GABRB2: variants seen among roughly 807,000 people sequenced by gnomAD.
GABRB2 encodes the protein gamma-aminobutyric acid type A receptor subunit beta2, also known as gamma-aminobutyric acid receptor subunit beta-2.
Under a neutral mutation model 54.7 loss-of-function variants are expected in GABRB2, and 16 were observed. The observed-to-expected ratio is 0.29, with a 90% CI of 0.20 to 0.44. The LOEUF (loss-of-function observed/expected upper bound fraction) is 0.44. Ranked by LOEUF, GABRB2 falls within the 20% of genes least tolerant of loss-of-function variation. The pLI is 1.00. For missense variants in GABRB2, 355 were observed against 644.0 expected (o/e 0.55, Z 4.86); for synonymous variants, 244 against 233.8 (o/e 1.04, Z -0.40).
At chr5:161,360,482 T>TTC (rs1000084371) in intron 5 of GABRB2, among the ~76,000 whole-genome samples, 1 of 152,000 alleles carries the variant, frequency 6.6e-6, no homozygotes, top group Non-Finnish European at 1.5e-5. Flanking sequence ...TGTTCTCTTT[T>TTC]TCTCTCTCTC....
intron 5 of GABRB2, among the ~76,000 whole-genome samples, chr5:161,346,793 C>A (rs928028599): frequency 6.6e-6 from 1 of 152,094 alleles, no homozygotes; most frequent in Admixed American, 6.6e-5. Context: ...GCACTTAGTA[C>A]ATTTAATTGA....
intron 4 of GABRB2, among the ~76,000 whole-genome samples, chr5:161,434,553 C>T (rs771390535): frequency 1.3e-5 from 2 of 152,044 alleles, no homozygotes; most frequent in Non-Finnish European, 2.9e-5. Flanking sequence ...TACTTTCATT[C>T]ATCACATATG....
chr5:161,318,496 G>T (rs895570211), intron 9 of GABRB2, among the ~76,000 whole-genome samples: 1 of 151,922 alleles, frequency 6.6e-6, no homozygotes, highest in Admixed American at 6.6e-5. Context: ...CCAATGATAT[G>T]AAATTATACT....
chr5:161,384,049 G>T lies in GABRB2; in HGVS notation c.541+26926C>A, dbSNP rs1561630985. The stretch of plus-strand genomic sequence containing the variant: ...ATTACAGGCATGAGCCACTACAACT[G>T]GGCCATATAGACGATTTCTAAGGTC... On this transcript the variant is annotated intron_variant, in intron 5 of 9. Transcript: ENST00000393959. 3.3e-5 allele frequency among the ~76,000 whole-genome samples: 5 copies of T among 152,116 alleles called. No homozygotes were observed. In the East Asian group the frequency reaches 5.8e-4, roughly 18 times the overall value.
chr5:161,324,482 A>G (rs529353972), intron 9 of GABRB2, among the ~76,000 whole-genome samples: 1 of 152,254 alleles, frequency 6.6e-6, no homozygotes, highest in African/African-American at 2.4e-5. Context: ...TCTTCTCAGC[A>G]GTTGTATAAG....
intron 4 of GABRB2, among the ~76,000 whole-genome samples, chr5:161,426,791 T>C (rs1757012214): frequency 6.6e-6 from 1 of 151,970 alleles, no homozygotes; most frequent in African/African-American, 2.4e-5. Context: ...GCACTAACAA[T>C]ATTATAGCAC....
chr5:161,529,374 A>G (rs147767995), intron 3 of GABRB2, among the ~76,000 whole-genome samples: 1 of 152,118 alleles, frequency 6.6e-6, no homozygotes, highest in Non-Finnish European at 1.5e-5. Flanking sequence ...GTTGGAGGCG[A>G]TTCCATTTGA....
At chr5:161,298,668 T>C (rs1757450811) in intron 9 of GABRB2, among the ~76,000 whole-genome samples, 2 of 152,190 alleles carry the variant, frequency 1.3e-5, no homozygotes, top group Non-Finnish European at 2.9e-5. Flanking sequence ...TTTATACAGG[T>C]CTCTTGCTAG....
intron 5 of GABRB2, among the ~76,000 whole-genome samples, chr5:161,355,854 G>A (rs1024355130): frequency 6.6e-6 from 1 of 152,112 alleles, no homozygotes; most frequent in Non-Finnish European, 1.5e-5. Flanking sequence ...CCAACCTACA[G>A]AAGAATAGGT....
At chr5:161,387,923 T>C (rs555123841) in intron 5 of GABRB2, among the ~76,000 whole-genome samples, 1 of 152,144 alleles carries the variant, frequency 6.6e-6, no homozygotes, top group Non-Finnish European at 1.5e-5. Context: ...AGGATTTAAT[T>C]TCAAAACTAA....
upstream of GABRB2, among the ~76,000 whole-genome samples, chr5:161,547,462 T>G (rs943093720): frequency 1.8e-4 from 28 of 152,208 alleles, no homozygotes; most frequent in East Asian, 5.8e-4. Context: ...AGCGATTTCT[T>G]TCTCCTCTCC....
rs1352061520 is a variant in GABRB2, at chr5:161,330,851, A to G, written c.1077+32T>C. The G allele has an allele frequency of 3.1e-6, 5 of 1,613,640 alleles. No homozygotes were observed. In the African/African-American group the frequency reaches 6.7e-5, roughly 22 times the overall value. ...TTGCTAGCATTCTTCCATGAGTTTA[A>G]GAAGCAAGGAGGGCTTGCCCTCTGA... On this transcript the variant is annotated intron_variant, in intron 8 of 9. Transcript: ENST00000393959.
At chr5:161,531,308 G>C (rs761660255) in intron 3 of GABRB2, among the ~76,000 whole-genome samples, 10 of 152,046 alleles carry the variant, frequency 6.6e-5, no homozygotes, top group Non-Finnish European at 1.3e-4. Context: ...ATCTACAGTT[G>C]ATGAAAATTC....
chr5:161,476,519 T>C (rs114526418), intron 3 of GABRB2, among the ~76,000 whole-genome samples: 5,149 of 151,994 alleles, frequency 0.034, 140 homozygotes, highest in Admixed American at 0.081. Flanking sequence ...GTTGGAAGTC[T>C]CACCCCTCCT....
At chr5:161,462,225 C>T (rs1427631773) in intron 3 of GABRB2, among the ~76,000 whole-genome samples, 1 of 152,144 alleles carries the variant, frequency 6.6e-6, no homozygotes, top group Non-Finnish European at 1.5e-5. Context: ...GGTTAGCATT[C>T]TGGACTGTTC....
At chr5:161,547,185 G>C (rs1327148138), upstream of GABRB2, 1 of 145,340 alleles carries the variant, frequency 6.9e-6, no homozygotes, top group Non-Finnish European at 1.5e-5. Flanking sequence ...GCCCTGCCTG[G>C]GGCGAGACTG....
rs1315458956 is a variant in GABRB2, at chr5:161,288,589, T to C, written c.*5492A>G. On this transcript the variant is annotated 3_prime_UTR_variant, in exon 10 of 10. Transcript: ENST00000393959. ...ATAATCCTCATTTTTTACTATCTCA[T>C]GTATCCCAGAGATTTTAATAGTCCT... 2.0e-5 allele frequency: 3 copies of C among 152,652 alleles called. No individual in the cohort carries two copies. Among genetic ancestry groups the C allele is most frequent in the African/African-American group, 7.2e-5 (3 of 41,462 alleles). 9.5% of individuals were successfully genotyped at this position (152,652 alleles called of 1,614,324 possible). A position where few individuals can be genotyped will look rare whatever the true frequency, so the allele number is the denominator to read the frequency against.
chr5:161,516,910 C>T (rs114807005), intron 3 of GABRB2, among the ~76,000 whole-genome samples: 2 of 152,110 alleles, frequency 1.3e-5, no homozygotes, highest in Non-Finnish European at 2.9e-5. Context: ...AGTTCCCAAC[C>T]CTTCAGATGT....
intron 9 of GABRB2, among the ~76,000 whole-genome samples, chr5:161,322,672 A>T (rs1290734744): frequency 2.0e-5 from 3 of 152,098 alleles, no homozygotes; most frequent in African/African-American, 7.2e-5. Context: ...CCTGTTCTGT[A>T]TATTTATTAT....
Sources: allele counts gnomAD v4.1 joint callset (sites outside exome capture counted in the v4.1 genomes callset), GRCh38; gene constraint gnomAD v4.1.1; transcripts MANE v1.5; gene names NCBI Gene and HGNC (gene_info 2026-07-23, HGNC 2026-07-21).